Variants in CNTNAP2 observed in about 807,000 individuals in gnomAD.
CNTNAP2 encodes contactin-associated protein-like 2.
CNTNAP2 carries 98 observed loss-of-function variants against 155.2 expected under a neutral mutation model. The observed-to-expected ratio is 0.63, with a 90% CI of 0.54 to 0.75. The LOEUF (loss-of-function observed/expected upper bound fraction) is 0.75. CNTNAP2 is among the 30% of genes least tolerant of loss of function. The pLI, the probability that CNTNAP2 is intolerant of heterozygous loss-of-function variation, is 0.00. For missense variants in CNTNAP2, 1,727 were observed against 1,688.1 expected (o/e 1.02, Z -0.40); for synonymous variants, 651 against 631.2 (o/e 1.03, Z -0.47).
intron 10 of CNTNAP2, among the ~76,000 whole-genome samples, chr7:147,447,016 G>C (rs1393203016): frequency 6.6e-6 from 1 of 152,152 alleles, no homozygotes; most frequent in African/African-American, 2.4e-5. Flanking sequence ...AAGTGCATTA[G>C]AATGCCAAGA....
At chr7:147,281,175 A>G (rs1805025622) in intron 8 of CNTNAP2, among the ~76,000 whole-genome samples, 1 of 151,894 alleles carries the variant, frequency 6.6e-6, no homozygotes, top group South Asian at 2.1e-4. Context: ...AAAGAAGGCT[A>G]TATGTGAACA....
At chr7:147,947,706 T>G (rs1800845433) in intron 14 of CNTNAP2, among the ~76,000 whole-genome samples, 1 of 151,988 alleles carries the variant, frequency 6.6e-6, no homozygotes, top group Non-Finnish European at 1.5e-5. Context: ...AGAGTGGGGC[T>G]TGGGAGGGAA....
At chr7:147,017,204 C>G (rs1232345907) in intron 3 of CNTNAP2, among the ~76,000 whole-genome samples, 1 of 151,868 alleles carries the variant, frequency 6.6e-6, no homozygotes, top group East Asian at 1.9e-4. Flanking sequence ...TCCCACCATC[C>G]TCCCAGTTGT....
At chr7:148,043,480 A>G (rs1374217700) in intron 15 of CNTNAP2, among the ~76,000 whole-genome samples, 3 of 152,248 alleles carry the variant, frequency 2.0e-5, no homozygotes, top group Non-Finnish European at 4.4e-5. Context: ...TAAGGCTTTA[A>G]TTACTGAGTT....
At chr7:147,370,476 C>T (rs915821885) in intron 9 of CNTNAP2, among the ~76,000 whole-genome samples, 9 of 152,098 alleles carry the variant, frequency 5.9e-5, no homozygotes, top group South Asian at 2.1e-4. Flanking sequence ...TCAGGAATTC[C>T]GTGAGTCGCT....
chr7:147,219,624 A>C (rs543559256), intron 8 of CNTNAP2, among the ~76,000 whole-genome samples: 24 of 152,170 alleles, frequency 1.6e-4, no homozygotes, highest in Non-Finnish European at 3.1e-4. Context: ...TCTAGATTCA[A>C]ATGTTAATCT....
rs538143281 is a variant in CNTNAP2 at position 146,603,604 on chromosome 7, C to T, written c.98-170667C>T. On this transcript the variant is annotated intron_variant, in intron 1 of 23. Coordinates refer to ENST00000361727, the MANE Select transcript of CNTNAP2 (RefSeq NM_014141.6). Reference sequence around the variant, plus strand: ...GTTCATATGGAACCAAAAAAGAGCCCGCATTGCCAAGTCAACCCTAAGCCA... The same window carrying T: ...GTTCATATGGAACCAAAAAAGAGCCTGCATTGCCAAGTCAACCCTAAGCCA... 9.3e-5 allele frequency among the ~76,000 whole-genome samples: 14 copies of T among 150,668 alleles called. No homozygotes were observed. The South Asian group carries it at 1.3e-3, about 14-fold the overall frequency.
chr7:146,384,472 G>T (rs892533188), intron 1 of CNTNAP2, among the ~76,000 whole-genome samples: 1 of 152,136 alleles, frequency 6.6e-6, no homozygotes, highest in African/African-American at 2.4e-5. Context: ...TAATAGAATT[G>T]TATGTTATAA....
intron 3 of CNTNAP2, among the ~76,000 whole-genome samples, chr7:147,005,405 C>A (rs980175959): frequency 3.9e-5 from 6 of 151,910 alleles, no homozygotes; most frequent in Non-Finnish European, 7.4e-5. Flanking sequence ...ATTTTTTTCT[C>A]TACCCTACTG....
At chr7:147,122,625 A>G (rs2129283069) in intron 6 of CNTNAP2, 1 of 152,320 alleles carries the variant, frequency 6.6e-6, no homozygotes, top group Non-Finnish European at 1.5e-5. Context: ...GAGAGTAATG[A>G]CCAAATCCAA....
At chr7:147,072,109 G>T (rs1293370947) in intron 4 of CNTNAP2, among the ~76,000 whole-genome samples, 1 of 152,154 alleles carries the variant, frequency 6.6e-6, no homozygotes, top group Admixed American at 6.5e-5. Context: ...AACTTCTCCA[G>T]GGAGGTGATG....
intron 8 of CNTNAP2, among the ~76,000 whole-genome samples, chr7:147,187,898 A>C (rs1049044852): frequency 6.6e-6 from 1 of 152,144 alleles, no homozygotes; most frequent in Non-Finnish European, 1.5e-5. Context: ...TGTCTCTACC[A>C]AAAATATAAA....
At chr7:147,649,709 A>G (rs1001237139) in intron 13 of CNTNAP2, among the ~76,000 whole-genome samples, 1 of 152,044 alleles carries the variant, frequency 6.6e-6, no homozygotes, top group Non-Finnish European at 1.5e-5. Flanking sequence ...TTAGTTTATT[A>G]TATTATAAAA....
chr7:148,176,497 G>T (rs888694360), intron 18 of CNTNAP2, among the ~76,000 whole-genome samples: 1 of 152,106 alleles, frequency 6.6e-6, no homozygotes, highest in Non-Finnish European at 1.5e-5. Context: ...GGGATTACAG[G>T]CATGAGCCAC....
At chr7:146,986,362 A>G (rs1431213686) in intron 3 of CNTNAP2, among the ~76,000 whole-genome samples, 1 of 152,310 alleles carries the variant, frequency 6.6e-6, no homozygotes, top group Middle Eastern at 3.4e-3. Flanking sequence ...GCAGTATTCC[A>G]TCATATATAT....
chr7:148,349,947 G>A (rs376358712), intron 21 of CNTNAP2, among the ~76,000 whole-genome samples: 14 of 152,322 alleles, frequency 9.2e-5, no homozygotes, highest in African/African-American at 3.4e-4. Flanking sequence ...GGGCCTCACA[G>A]GCCAAGGGCA....
chr7:146,182,213 A>C (rs1173979306), intron 1 of CNTNAP2, among the ~76,000 whole-genome samples: 2 of 152,142 alleles, frequency 1.3e-5, no homozygotes, highest in East Asian at 3.9e-4. Flanking sequence ...CTTGTGTGAG[A>C]AAAAGATTCT....
chr7:148,206,078 C>G (rs56324284), intron 18 of CNTNAP2, among the ~76,000 whole-genome samples: 6 of 151,104 alleles, frequency 4.0e-5, no homozygotes, highest in Non-Finnish European at 7.4e-5. Flanking sequence ...CCCAAAATTA[C>G]TTGTGTGTAT....
chr7:147,765,228 A>G (rs1435546057), intron 13 of CNTNAP2, among the ~76,000 whole-genome samples: 3 of 152,224 alleles, frequency 2.0e-5, no homozygotes, highest in East Asian at 3.9e-4. Flanking sequence ...CAAAAGTGCC[A>G]TTCATTTCTG....
Sources: gnomAD v4.1 joint callset for allele counts (sites outside exome capture counted in the v4.1 genomes callset) on GRCh38, gnomAD v4.1.1 for gene constraint, MANE v1.5 for transcripts, NCBI Gene and HGNC (gene_info 2026-07-23, HGNC 2026-07-21) for gene names.